Variants in SEPTIN9 observed in about 807,000 individuals in gnomAD.
SEPTIN9 encodes septin 9, also known as septin-9.
Under a neutral mutation model 56.6 loss-of-function variants are expected in SEPTIN9, and 13 were observed. The observed-to-expected ratio is 0.23, with a 90% confidence interval of 0.15 to 0.37. The LOEUF (loss-of-function observed/expected upper bound fraction) is 0.37. SEPTIN9 is among the 10% of genes least tolerant of loss of function. SEPTIN9 has a pLI of 1.00. For synonymous variants in SEPTIN9, 332 were observed against 334.1 expected, an observed-to-expected ratio of 0.99 and a Z score of 0.07; for missense variants, 650 against 823.1, an observed-to-expected ratio of 0.79 and a Z score of 2.57.
chr17:77,415,284 G>A (rs956766523), intron 3 of SEPTIN9, among the ~76,000 whole-genome samples: 1 of 152,092 alleles, frequency 6.6e-6, no homozygotes, highest in Non-Finnish European at 1.5e-5. Context: ...TTCCCTGGGC[G>A]GATCTCCATG....
At chr17:77,348,659 T>G (rs1044890748) in intron 2 of SEPTIN9, among the ~76,000 whole-genome samples, 1 of 152,190 alleles carries the variant, frequency 6.6e-6, no homozygotes, top group African/African-American at 2.4e-5. Context: ...CTTTATAGAT[T>G]CTATTGCACA....
intron 2 of SEPTIN9, among the ~76,000 whole-genome samples, chr17:77,358,801 C>G (rs1281532917): frequency 3.9e-5 from 6 of 152,218 alleles, no homozygotes; most frequent in Non-Finnish European, 8.8e-5. Context: ...GACCCCTGCC[C>G]TGCCAGACAG....
intron 2 of SEPTIN9, among the ~76,000 whole-genome samples, chr17:77,395,681 G>C (rs577023532): frequency 6.6e-6 from 1 of 152,266 alleles, no homozygotes; most frequent in East Asian, 1.9e-4. Context: ...TTTCTGCCCG[G>C]GTGTGAGTGT....
intron 2 of SEPTIN9, among the ~76,000 whole-genome samples, chr17:77,343,490 T>C (rs947812191): frequency 6.6e-6 from 1 of 152,214 alleles, no homozygotes; most frequent in Non-Finnish European, 1.5e-5. Flanking sequence ...ATATCATTTG[T>C]AATAAGTCAG....
In SEPTIN9 at chr17:77,499,220, T is replaced by TCC. The variant is rs1278078730; in HGVS notation, c.*565_*566dup. On this transcript the variant is annotated 3_prime_UTR_variant, in exon 12 of 12. Transcript: ENST00000427177. ...CTCCTAAGGGTAGAAAACTCCAGGG[T>TCC]CCCCTGCCACCGACTGCCCAGCCAC... is the stretch of plus-strand genomic sequence containing the variant. 2 of 572,030 alleles carry TCC rather than the reference T, an allele frequency of 3.5e-6. No individual in the cohort carries two copies. Among genetic ancestry groups the TCC allele is most frequent in the African/African-American group, 3.6e-5 (2 of 54,876 alleles). 35.4% of individuals were successfully genotyped at this position (572,030 alleles called of 1,614,324 possible). A position where few individuals can be genotyped will look rare whatever the true frequency, so the allele number is the denominator to read the frequency against.
chr17:77,492,705 G>A lies in SEPTIN9; in HGVS notation c.1465G>A (p.Glu489Lys), dbSNP rs770758927. 23 of 1,613,848 alleles carry A rather than the reference G, an allele frequency of 1.4e-5. No individual in the cohort carries two copies. In the Middle Eastern group the frequency reaches 9.9e-4, roughly 69 times the overall value. Reference protein sequence around the residue: ...DEDSEDRLVNEKFREMIPFAV... With the variant: ...DEDSEDRLVNKKFREMIPFAV... ...GGACTCGGAGGACCGGCTGGTGAAC[G>A]AGAAGTTCCGGGTGAGTGGATCCAC... is the stretch of plus-strand genomic sequence containing the variant. Residue 489 changes from glutamate to lysine, a missense_variant, in exon 9 of 12, where the codon GAG (glutamate) becomes AAG (lysine). Coordinates refer to ENST00000427177, the MANE Select transcript of SEPTIN9 (RefSeq NM_001113491.2). This position sits in a 1 kb window ranked among gnomAD's most constrained non-coding sequence, Gnocchi z 5.4.
At chr17:77,321,530 G>T (rs1490552786) in intron 2 of SEPTIN9, among the ~76,000 whole-genome samples, 2 of 151,872 alleles carry the variant, frequency 1.3e-5, no homozygotes, top group African/African-American at 2.4e-5. Context: ...CTCCCAAGCA[G>T]CTGGGACTAT....
At chr17:77,312,394 C>G (rs2032536134) in intron 2 of SEPTIN9, among the ~76,000 whole-genome samples, 1 of 152,172 alleles carries the variant, frequency 6.6e-6, no homozygotes, top group Non-Finnish European at 1.5e-5. Flanking sequence ...AGCCTGGAGC[C>G]CCCTGCTTCT....
Position 77,445,447 on chromosome 17 carries a change from G to A in SEPTIN9, c.722-36697G>A. 2.1e-6 allele frequency: 1 copy of A among 469,894 alleles called. No individual in the cohort carries two copies. The highest frequency in any genetic ancestry group is 1.6e-5 in the South Asian group (1 of 64,462). The allele number at this position is 469,894 out of a possible 1,614,324, so 29.1% of individuals were successfully genotyped here. ...GGCTGAGCTCTGTGCTCACAACCTG[G>A]CTTGGTGGTGGCCGAGGAGCTTGGC... On this transcript the variant is annotated intron_variant, in intron 3 of 11. Coordinates refer to ENST00000427177, the MANE Select transcript of SEPTIN9 (RefSeq NM_001113491.2). This position sits in a 1 kb window ranked among gnomAD's most constrained non-coding sequence, Gnocchi z 4.7.
intron 2 of SEPTIN9, among the ~76,000 whole-genome samples, chr17:77,394,613 G>A (rs1291951765): frequency 6.6e-6 from 1 of 152,202 alleles, no homozygotes; most frequent in Non-Finnish European, 1.5e-5. Context: ...TTCTGACCTT[G>A]GGCTCTACCA....
intron 2 of SEPTIN9, among the ~76,000 whole-genome samples, chr17:77,314,437 G>T (rs2032624035): frequency 6.8e-6 from 1 of 146,226 alleles, no homozygotes; most frequent in African/African-American, 2.5e-5. Context: ...TCCCACTTTG[G>T]CCTCCCAAAG....
At chr17:77,482,421 C>A in intron 4 of SEPTIN9, 86 bp downstream of exon 4, 1 of 1,370,568 alleles carries the variant, frequency 7.3e-7, no homozygotes, top group Non-Finnish European at 1.0e-6. Context: ...TGGGCTTGGT[C>A]TTCCCTTCTG....
chr17:77,484,517 G>GA (rs2039600942), intron 4 of SEPTIN9, among the ~76,000 whole-genome samples: 1 of 119,388 alleles, frequency 8.4e-6, no homozygotes, highest in Admixed American at 7.9e-5. Context: ...GATGGTGATG[G>GA]TGGTAATTGT....
intron 3 of SEPTIN9, among the ~76,000 whole-genome samples, chr17:77,464,042 A>G (rs1045455022): frequency 1.3e-5 from 2 of 151,732 alleles, no homozygotes; most frequent in Admixed American, 6.6e-5. Flanking sequence ...CTTAGAAATA[A>G]CTGCAGGAAC....
intron 2 of SEPTIN9, chr17:77,373,444 C>T (rs2034793686): frequency 4.0e-6 from 6 of 1,482,192 alleles, no homozygotes; most frequent in Non-Finnish European, 4.5e-6. Flanking sequence ...CGGGCCCCGC[C>T]GGGGGCGCTT....
At chr17:77,350,045 T>C (rs2034007678) in intron 2 of SEPTIN9, among the ~76,000 whole-genome samples, 1 of 152,248 alleles carries the variant, frequency 6.6e-6, no homozygotes, top group South Asian at 2.1e-4. Flanking sequence ...GGGTGGTGAC[T>C]GCCAGCTGGC....
intron 3 of SEPTIN9, among the ~76,000 whole-genome samples, chr17:77,455,346 C>A (rs1174842866): frequency 6.6e-6 from 1 of 152,200 alleles, no homozygotes; most frequent in Non-Finnish European, 1.5e-5. Flanking sequence ...TCCCGTCGAG[C>A]CTGGCTGGCA....
At chr17:77,461,190 C>T (rs1485472447) in intron 3 of SEPTIN9, among the ~76,000 whole-genome samples, 2 of 152,024 alleles carry the variant, frequency 1.3e-5, no homozygotes, top group Admixed American at 6.6e-5. Context: ...CCTGTAATCC[C>T]AGTTACTCGG....
chr17:77,331,867 A>G (rs2033377631), intron 2 of SEPTIN9, among the ~76,000 whole-genome samples: 1 of 152,206 alleles, frequency 6.6e-6, no homozygotes, highest in Non-Finnish European at 1.5e-5. Flanking sequence ...GTTAGGGGGA[A>G]AGGGGGTGGT....
Sources: gnomAD v4.1 joint callset for allele counts (sites outside exome capture counted in the v4.1 genomes callset) on GRCh38, gnomAD v4.1.1 for gene constraint, Gnocchi (gnomAD v3.1) non-coding constraint, MANE v1.5 for transcripts, NCBI Gene and HGNC (gene_info 2026-07-23, HGNC 2026-07-21) for gene names.